The following PDZD2 variants were observed in gnomAD, a reference collection of about 807,000 sequenced individuals.
The protein encoded by PDZD2 is PDZ domain containing 2, also known as PDZ domain-containing protein 2.
In PDZD2, 90 loss-of-function variants were observed where a neutral mutation model predicts 220.7. That is an observed-to-expected ratio of 0.41 (90% CI 0.34 to 0.49). PDZD2 has a LOEUF of 0.49. PDZD2 is among the 20% of genes least tolerant of loss of function. PDZD2 has a pLI of 0.28. For missense variants in PDZD2, 3,174 were observed against 3,608.5 expected (o/e 0.88, Z 3.08); for synonymous variants, 1,375 against 1,450.5 (o/e 0.95, Z 1.18).
Position 32,072,784 on chromosome 5 carries a change from C to T in PDZD2, c.2725+467C>T, listed in dbSNP as rs116029850. 3.5e-3 allele frequency among the ~76,000 whole-genome samples: 529 copies of T among 152,300 alleles called. 2 individuals are homozygous for T. Among genetic ancestry groups the T allele is most frequent in the African/African-American group, 0.012 (482 of 41,570 alleles). ...AGTTACTCAGTAAATGGGCTGGATA[C>T]ACATTCTATAGTCAGGGGTGGATGG... On this transcript the variant is annotated intron_variant, in intron 17 of 24. Transcript: ENST00000438447.
rs536708455 is a variant in PDZD2 at position 31,737,441 on chromosome 5, G to A, written c.-360-61448G>A. Among the ~76,000 whole-genome samples, 5 of 152,152 alleles carry A rather than the reference G, an allele frequency of 3.3e-5. No individual in the cohort carries two copies. The South Asian group carries it at 1.0e-3, about 32-fold the overall frequency. On this transcript the variant is annotated intron_variant, in intron 1 of 24. Transcript: ENST00000438447. ...CCCGCCTTGGCCTCCCAAAGTGCTG[G>A]GATTACAGGCGTGAGCTACCGCGCC... is the stretch of plus-strand genomic sequence containing the variant.
intron 6 of PDZD2, among the ~76,000 whole-genome samples, chr5:32,022,185 G>GTTTTTT (rs145876120): frequency 2.2e-5 from 3 of 135,588 alleles, no homozygotes; most frequent in African/African-American, 5.5e-5. Flanking sequence ...TTGTTTTTTT[G>GTTTTTT]TTTTTTTGTT....
intron 2 of PDZD2, among the ~76,000 whole-genome samples, chr5:31,930,924 G>A (rs1179883652): frequency 6.7e-6 from 1 of 149,058 alleles, no homozygotes; most frequent in Admixed American, 6.8e-5. Flanking sequence ...AGGGGAGAGA[G>A]GAGCCAAGGG....
chr5:31,682,606 T>C (rs1295795693), intron 1 of PDZD2, among the ~76,000 whole-genome samples: 2 of 152,192 alleles, frequency 1.3e-5, no homozygotes, highest in African/African-American at 4.8e-5. Context: ...AATAATGGTT[T>C]AATTGAACTC....
chr5:31,776,450 T>TTTTATTTA (rs10592711), intron 1 of PDZD2, among the ~76,000 whole-genome samples: 2,397 of 139,134 alleles, frequency 0.017, 25 homozygotes, highest in Middle Eastern at 0.021. Flanking sequence ...TGTGTTTTTA[T>TTTTATTTA]TTTATTTATT....
At chr5:31,986,793 AT>A (rs1024051648) in intron 3 of PDZD2, among the ~76,000 whole-genome samples, 4 of 152,098 alleles carry the variant, frequency 2.6e-5, no homozygotes, top group African/African-American at 9.7e-5. Context: ...CATTCAGAAC[AT>A]TTTTGTTTGT....
chr5:32,014,320 A>G (rs933287189), intron 6 of PDZD2, among the ~76,000 whole-genome samples: 3 of 152,164 alleles, frequency 2.0e-5, no homozygotes, highest in Admixed American at 1.3e-4. Context: ...GCGTCCCCTT[A>G]TGATTTATTT....
chr5:31,776,978 C>T (rs1752698344), intron 1 of PDZD2, among the ~76,000 whole-genome samples: 1 of 152,126 alleles, frequency 6.6e-6, no homozygotes, highest in Non-Finnish European at 1.5e-5. Context: ...AGCACCTCCT[C>T]GGCCTCAGGC....
Position 32,057,664 on chromosome 5 carries a change from T to C in PDZD2, c.1910T>C (p.Ile637Thr). 1 of 1,575,320 alleles carries C rather than the reference T, an allele frequency of 6.3e-7. No homozygotes were observed. The highest frequency in any genetic ancestry group is 8.7e-7 in the Non-Finnish European group (1 of 1,147,910). The change falls in exon 11 of 25, where the codon ATC (isoleucine) becomes ACC (threonine). Residue 637 changes from isoleucine to threonine, a missense_variant. Around this residue, in one of 4 missense-constraint regions of PDZD2, gnomAD observed 50 missense variants for 109.5 expected, o/e 0.46. Coordinates refer to ENST00000438447, the MANE Select transcript of PDZD2 (RefSeq NM_178140.4). ...EDGRLKEGDEILDVNGIPIKG... is the reference protein window; with the variant it reads ...EDGRLKEGDETLDVNGIPIKG... ...CACATTTGATCACTAGGGGATGAAA[T>C]CCTAGATGTAAATGGAATACCAATA...
chr5:32,087,296 G>A lies in PDZD2; in HGVS notation c.3848G>A (p.Arg1283Lys). ...AAGTGCAAGGCCAGGTCTCCAGTCA[G>A]GCTCCCCCATGAGGGCAGCCCCTCC... is the stretch of plus-strand genomic sequence containing the variant. ...VTKCKARSPV[R>K]LPHEGSPSPG... The change falls in exon 20 of 25, where the codon AGG (arginine) becomes AAG (lysine). Residue 1283 changes from arginine (R) to lysine (K), a missense_variant. Physicochemically the swap from Arg to Lys is conservative, Grantham distance 26. Coordinates refer to ENST00000438447, the MANE Select transcript of PDZD2 (RefSeq NM_178140.4). This position sits in a 1 kb window ranked among gnomAD's most constrained non-coding sequence, Gnocchi z 4.0. 1 of 1,614,056 alleles carries A rather than the reference G, an allele frequency of 6.2e-7. No individual in the cohort carries two copies. The highest frequency in any genetic ancestry group is 8.5e-7 in the Non-Finnish European group (1 of 1,179,934).
chr5:31,977,231 G>A (rs997833397), intron 2 of PDZD2, among the ~76,000 whole-genome samples: 3 of 152,282 alleles, frequency 2.0e-5, no homozygotes, highest in Non-Finnish European at 4.4e-5. Context: ...TTCACACTAT[G>A]TGACAGGCAT....
At chr5:32,104,878 G>A (rs928315089) in intron 24 of PDZD2, among the ~76,000 whole-genome samples, 22 of 152,044 alleles carry the variant, frequency 1.4e-4, no homozygotes, top group African/African-American at 5.3e-4. Context: ...GCTCACACCT[G>A]TAATCCCAGC....
At chr5:31,958,416 G>C (rs1003006083) in intron 2 of PDZD2, among the ~76,000 whole-genome samples, 1 of 151,918 alleles carries the variant, frequency 6.6e-6, no homozygotes, top group Non-Finnish European at 1.5e-5. Flanking sequence ...ACTGCGCCTA[G>C]CTAATTTTTG....
intron 6 of PDZD2, among the ~76,000 whole-genome samples, chr5:32,036,747 A>C (rs1055639207): frequency 8.5e-5 from 13 of 152,236 alleles, no homozygotes; most frequent in African/African-American, 3.1e-4. Context: ...TCAAATTTTT[A>C]CTGTATTTTA....
At chr5:31,789,912 CCTT>C (rs1365977258) in intron 1 of PDZD2, among the ~76,000 whole-genome samples, 2 of 152,046 alleles carry the variant, frequency 1.3e-5, no homozygotes, top group African/African-American at 2.4e-5. Flanking sequence ...GAGCGAAACT[CCTT>C]CTCCAAACAA....
Position 32,088,811 on chromosome 5 carries a change from A to G in PDZD2, c.5363A>G (p.Gln1788Arg). 1 of 1,614,110 alleles carries G rather than the reference A, an allele frequency of 6.2e-7. No homozygotes were observed. Among genetic ancestry groups the G allele is most frequent in the Non-Finnish European group, 8.5e-7 (1 of 1,179,978 alleles). The stretch of plus-strand genomic sequence containing the variant: ...AGTCAAGACCTGGATGACTTGCTAC[A>G]GAAACCAAAAATGATCGCTAGGAGG... The part of the protein sequence containing the change: ...SESQDLDDLL[Q>R]KPKMIARRPI... Residue 1788 changes from glutamine (Q) to arginine (R), a missense_variant, in exon 20 of 25, where the codon CAG (glutamine) becomes CGG (arginine). Gln to Arg is a conservative substitution (Grantham distance 43, BLOSUM62 1). Transcript: ENST00000438447. This position sits in a 1 kb window ranked among gnomAD's most constrained non-coding sequence, Gnocchi z 4.6.
intron 2 of PDZD2, among the ~76,000 whole-genome samples, chr5:31,803,049 G>C (rs1037815485): frequency 1.3e-5 from 2 of 151,742 alleles, no homozygotes; most frequent in Admixed American, 6.6e-5. Flanking sequence ...CAGTGAGGAG[G>C]CAGAGAAGAG....
chr5:31,953,567 C>T (rs1313631099), intron 2 of PDZD2, among the ~76,000 whole-genome samples: 1 of 151,978 alleles, frequency 6.6e-6, no homozygotes, highest in Non-Finnish European at 1.5e-5. Flanking sequence ...GTAATCCCTA[C>T]ACTTTAGGAG....
chr5:32,003,130 CACACCACACACACACCACACACCA>C (rs1752412794), intron 5 of PDZD2, among the ~76,000 whole-genome samples: 1 of 17,578 alleles, frequency 5.7e-5, no homozygotes, highest in African/African-American at 6.4e-5. Context: ...GCGCCACACA[CACACCACACACACACCACACACCA>C]CCAACACACA....
Sources: gnomAD v4.1 joint callset for allele counts (sites outside exome capture counted in the v4.1 genomes callset) on GRCh38, gnomAD v4.1.1 for gene constraint, gnomAD v4.1.1 regional missense constraint, Gnocchi (gnomAD v3.1) non-coding constraint, MANE v1.5 for transcripts, NCBI Gene and HGNC (gene_info 2026-07-23, HGNC 2026-07-21) for gene names.